Variants in ZNF558 observed in about 807,000 individuals in gnomAD.
ZNF558 encodes zinc finger protein 558.
In ZNF558, 23 loss-of-function variants were observed where a neutral mutation model predicts 37.6. That is an observed-to-expected ratio of 0.61 (90% CI 0.44 to 0.87). The LOEUF is 0.87. Among genes scored for constraint, ZNF558 ranks in the 40% least tolerant of loss-of-function variants. The pLI, the probability that ZNF558 is intolerant of heterozygous loss-of-function variation, is 0.00. For missense variants in ZNF558, 429 were observed against 483.7 expected (o/e 0.89, Z 1.06); for synonymous variants, 189 against 174.4 (o/e 1.08, Z -0.66).
upstream of ZNF558, chr19:8,833,418 T>G (rs972524343): frequency 1.3e-5 from 2 of 152,236 alleles, no homozygotes; most frequent in African/African-American, 4.8e-5. Flanking sequence ...TTTCAGTTCT[T>G]TTGCTCAGAG....
chr19:8,816,788 A>G (rs1032276986), intron 7 of ZNF558, among the ~76,000 whole-genome samples: 2 of 152,218 alleles, frequency 1.3e-5, no homozygotes, highest in Non-Finnish European at 2.9e-5. Context: ...TTGGTTTATA[A>G]CTTCTCTTTT....
intron 2 of ZNF558, among the ~76,000 whole-genome samples, chr19:8,829,605 G>C (rs1479016885): frequency 2.0e-5 from 3 of 152,044 alleles, no homozygotes; most frequent in Non-Finnish European, 4.4e-5. Flanking sequence ...GCCATTTCAG[G>C]TCCTCCAGGG....
At chr19:8,814,429 G>A (rs1555769587) in intron 7 of ZNF558, among the ~76,000 whole-genome samples, 1 of 152,126 alleles carries the variant, frequency 6.6e-6, no homozygotes, top group Non-Finnish European at 1.5e-5. Flanking sequence ...TACTGCTTGA[G>A]GCAAGAGAAA....
upstream of ZNF558, among the ~76,000 whole-genome samples, chr19:8,834,610 AAAAAAACAAACCAAAACCAAAAAAAAAC>A (rs888908850): frequency 6.6e-6 from 1 of 151,546 alleles, no homozygotes; most frequent in African/African-American, 2.4e-5. Flanking sequence ...CCATCAAAAA[AAAAAAACAAACCAAAACCAAAAAAAAAC>A]AAAAAAAAAA....
At position 8,822,157 on chromosome 19, in the gene ZNF558, T is replaced by C. The variant is rs2044110401; in HGVS notation, c.32-66A>G. ...TGACACCCACAGATCTGCCCCTGAT[T>C]GACCACACCCACCTCCCACACCCAC... On this transcript the variant is annotated intron_variant, in intron 5 of 9. Coordinates refer to ENST00000601372, the MANE Select transcript of ZNF558 (RefSeq NM_144693.3). This position sits in a 1 kb window ranked among gnomAD's most constrained non-coding sequence, Gnocchi z 4.4. The C allele has an allele frequency of 6.3e-7, 1 of 1,597,164 alleles. No individual in the cohort carries two copies. The highest frequency in any genetic ancestry group is 8.6e-7 in the Non-Finnish European group (1 of 1,168,130).
chr19:8,834,628 C>CA (rs112624934), upstream of ZNF558, among the ~76,000 whole-genome samples: 698 of 138,344 alleles, frequency 5.0e-3, 1 homozygote, highest in African/African-American at 9.3e-3. Context: ...AAACCAAAAC[C>CA]AAAAAAAAAC....
chr19:8,826,309 C>T (rs946371385), intron 2 of ZNF558, among the ~76,000 whole-genome samples: 6 of 151,962 alleles, frequency 3.9e-5, no homozygotes, highest in African/African-American at 1.2e-4. Flanking sequence ...TACATTTATT[C>T]TGCACTTTAT....
chr19:8,818,912 C>G (rs961260921), intron 7 of ZNF558, among the ~76,000 whole-genome samples: 1 of 152,100 alleles, frequency 6.6e-6, no homozygotes, highest in Non-Finnish European at 1.5e-5. Flanking sequence ...ATAAGGGTAC[C>G]AAGGTCATTT....
intron 7 of ZNF558, 84 bp downstream of exon 7, chr19:8,821,096 T>C: frequency 6.5e-7 from 1 of 1,541,052 alleles, no homozygotes. Context: ...TGTATGGATT[T>C]TACCACAATA....
At chr19:8,835,982 A>G (rs1295387663), upstream of ZNF558, among the ~76,000 whole-genome samples, 4 of 152,184 alleles carry the variant, frequency 2.6e-5, no homozygotes, top group African/African-American at 9.7e-5. Context: ...GAGACAATAG[A>G]TTAGTGGCAA....
At chr19:8,837,988 C>T in the ZNF558 span, among the ~76,000 whole-genome samples, 1 of 151,926 alleles carries the variant, frequency 6.6e-6, no homozygotes, top group African/African-American at 2.4e-5. Context: ...GTGGCTCACG[C>T]CTGTAATCCC....
chr19:8,812,435 G>C (rs913953268), intron 9 of ZNF558, 126 bp downstream of exon 9: 5 of 589,954 alleles, frequency 8.5e-6, no homozygotes, highest in Non-Finnish European at 1.4e-5. Flanking sequence ...GTCTCTCCAG[G>C]AACACAGCAT....
At chr19:8,829,573 G>A (rs1397587339) in intron 2 of ZNF558, among the ~76,000 whole-genome samples, 2 of 152,118 alleles carry the variant, frequency 1.3e-5, no homozygotes, top group Admixed American at 6.5e-5. Context: ...CTGTTAGAAG[G>A]TAAACTTTAT....
At chr19:8,818,179 C>T (rs988646835) in intron 7 of ZNF558, among the ~76,000 whole-genome samples, 4 of 152,104 alleles carry the variant, frequency 2.6e-5, no homozygotes, top group African/African-American at 9.7e-5. Flanking sequence ...CAGGGCCAGG[C>T]GCAGTGGCTC....
rs1555767895 is a variant in ZNF558 at position 8,811,419 on chromosome 19, A to G, written c.1071T>C (p.Phe357=). 2 of 1,613,872 alleles carry G rather than the reference A, an allele frequency of 1.2e-6. No homozygotes were observed. Among genetic ancestry groups the G allele is most frequent in the Admixed American group, 3.3e-5 (2 of 59,980 alleles). Reference sequence around the variant, plus strand: ...GTTTCTTCACAGCTGAGAGATTATTAAAGGCTTTTCCACAGTCACTGCACT... The same window carrying G: ...GTTTCTTCACAGCTGAGAGATTATTGAAGGCTTTTCCACAGTCACTGCACT... The part of the protein sequence containing the change: ...PYECSDCGKA[F]NNLSAVKKHL... Residue 357 remains phenylalanine (F), a synonymous_variant, in exon 10 of 10, where the codon TTT becomes TTC. Coordinates refer to ENST00000601372, the MANE Select transcript of ZNF558 (RefSeq NM_144693.3).
At chr19:8,823,710 C>T (rs1209694651) in intron 4 of ZNF558, 1 of 149,980 alleles carries the variant, frequency 6.7e-6, no homozygotes, top group Non-Finnish European at 1.5e-5. Flanking sequence ...ATGTCACTGT[C>T]CCTCATTTCA....
rs984834968 is a variant in ZNF558, at chr19:8,822,568, T to C, written c.31+61A>G. ...TCTGCCCAACCCCGCTCGTGTCCCATGCTGTGGGTCAGAACCTTTCAAGGC... is the reference window on the plus strand; with the variant it reads ...TCTGCCCAACCCCGCTCGTGTCCCACGCTGTGGGTCAGAACCTTTCAAGGC... On this transcript the variant is annotated intron_variant, in intron 5 of 9. Transcript: ENST00000601372. The surrounding 1 kb of genome is among the most constrained non-coding windows in gnomAD (Gnocchi z 4.4). 3.6e-5 allele frequency: 58 copies of C among 1,611,242 alleles called. No homozygotes were observed. Among genetic ancestry groups the C allele is most frequent in the Non-Finnish European group, 4.7e-5 (55 of 1,177,744 alleles).
At chr19:8,817,536 C>CT (rs34508939) in intron 7 of ZNF558, among the ~76,000 whole-genome samples, 37 of 148,624 alleles carry the variant, frequency 2.5e-4, no homozygotes, top group African/African-American at 4.9e-4. Context: ...GCATTTTTGA[C>CT]TTTTTTTTTT....
At chr19:8,838,065 GGT>G in the ZNF558 span, among the ~76,000 whole-genome samples, 1 of 151,458 alleles carries the variant, frequency 6.6e-6, no homozygotes, top group African/African-American at 2.4e-5. Context: ...TGGATAACAT[GGT>G]GAAACCCCGT....
Sources: allele counts gnomAD v4.1 joint callset (sites outside exome capture counted in the v4.1 genomes callset), GRCh38; gene constraint gnomAD v4.1.1; non-coding constraint Gnocchi (gnomAD v3.1); transcripts MANE v1.5; gene names NCBI Gene and HGNC (gene_info 2026-07-23, HGNC 2026-07-21).